TTC9: variants seen among roughly 807,000 people sequenced by gnomAD.
TTC9 encodes the protein tetratricopeptide repeat protein 9A.
Under a neutral mutation model 22.9 loss-of-function variants are expected in TTC9, and 13 were observed. That is an observed-to-expected ratio of 0.57 (90% CI 0.37 to 0.90). The LOEUF is 0.90. Ranked by LOEUF, TTC9 falls within the 40% of genes least tolerant of loss-of-function variation. The probability of loss-of-function intolerance (pLI) is 0.01; values close to 1 mark genes in which losing one functional copy is unlikely to be tolerated. For missense variants in TTC9, 280 were observed against 291.8 expected (o/e 0.96, Z 0.29); for synonymous variants, 148 against 133.2 (o/e 1.11, Z -0.77).
chr14:70,659,132 G>GCACACACACACACACACA (rs71105721), intron 1 of TTC9, among the ~76,000 whole-genome samples: 1 of 144,224 alleles, frequency 6.9e-6, no homozygotes, highest in African/African-American at 2.6e-5. Flanking sequence ...ACACACACAC[G>GCACACACACACACACACA]CACACACACA....
At position 70,671,773 on chromosome 14, in the gene TTC9, ACT is replaced by A. The variant is rs962353008; in HGVS notation, c.*621_*622del. 1 of 145,438 alleles carries A rather than the reference ACT, an allele frequency of 6.9e-6. No individual in the cohort carries two copies. Among genetic ancestry groups the A allele is most frequent in the African/African-American group, 2.6e-5 (1 of 38,784 alleles). The allele number at this position is 145,438 out of a possible 1,614,324, so 9.0% of individuals were successfully genotyped here. On this transcript the variant is annotated 3_prime_UTR_variant, in exon 3 of 3. Coordinates refer to ENST00000256367, the MANE Select transcript of TTC9 (RefSeq NM_015351.2). ...CTCCTCTCCCCATCGGGGATCCGAGACTCTGCCAGGATTCACATGCCACTGAA... is the reference window on the plus strand; with the variant it reads ...CTCCTCTCCCCATCGGGGATCCGAGACTGCCAGGATTCACATGCCACTGAA...
chr14:70,655,420 CAAA>C (rs1047565013), intron 1 of TTC9, among the ~76,000 whole-genome samples: 8 of 146,142 alleles, frequency 5.5e-5, no homozygotes, highest in African/African-American at 2.0e-4. Flanking sequence ...AAAAAAAAAA[CAAA>C]GAAGAAGGTA....
chr14:70,642,096 C>G lies in TTC9; in HGVS notation c.-34C>G. ...GCGGCGGCGGCGGCGGCGGGCAGAT[C>G]GCGGCGCGCACCAGGCGCCGGGGCG... On this transcript the variant is annotated 5_prime_UTR_variant, in exon 1 of 3. It adds an upstream start codon to the 5' untranslated region. Transcript: ENST00000256367. 1 of 1,065,648 alleles carries G rather than the reference C, an allele frequency of 9.4e-7. No homozygotes were observed. Among genetic ancestry groups the G allele is most frequent in the Non-Finnish European group, 1.1e-6 (1 of 883,934 alleles). 66.0% of individuals were successfully genotyped at this position (1,065,648 alleles called of 1,614,324 possible).
At chr14:70,663,589 G>A (rs12589380) in intron 1 of TTC9, among the ~76,000 whole-genome samples, 36,430 of 152,044 alleles carry the variant, frequency 0.24, 5,030 homozygotes, top group Admixed American at 0.32. Context: ...TCAAGGTAAG[G>A]CCCCTCCTGC....
At chr14:70,660,755 T>G (rs1037510960) in intron 1 of TTC9, among the ~76,000 whole-genome samples, 1 of 152,276 alleles carries the variant, frequency 6.6e-6, no homozygotes, top group Non-Finnish European at 1.5e-5. Flanking sequence ...GGTTTGGTTA[T>G]GATCTATACC....
rs927674842 is a variant in TTC9 at position 70,674,401 on chromosome 14, T to C, written c.*3246T>C. ...TTTGAATATACCTTTTAGTTCTTTT[T>C]GGTGTAAATGTACACACGCACACAC... is the stretch of plus-strand genomic sequence containing the variant. On this transcript the variant is annotated 3_prime_UTR_variant, in exon 3 of 3. Coordinates refer to ENST00000256367, the MANE Select transcript of TTC9 (RefSeq NM_015351.2). The C allele has an allele frequency of 6.6e-6, 1 of 152,286 alleles. No homozygotes were observed. Among genetic ancestry groups the C allele is most frequent in the African/African-American group, 2.4e-5 (1 of 41,488 alleles). The allele number at this position is 152,286 out of a possible 1,614,324, so 9.4% of individuals were successfully genotyped here.
chr14:70,658,640 G>T (rs923852561), intron 1 of TTC9, among the ~76,000 whole-genome samples: 1 of 150,836 alleles, frequency 6.6e-6, no homozygotes, highest in Non-Finnish European at 1.5e-5. Context: ...AAAAGCATCT[G>T]CAAAAAAAAA....
chr14:70,660,201 CAA>C (rs1231965598), intron 1 of TTC9, among the ~76,000 whole-genome samples: 2 of 152,178 alleles, frequency 1.3e-5, no homozygotes, highest in Non-Finnish European at 2.9e-5. Flanking sequence ...AAATCACTAA[CAA>C]GAGAAGTATC....
chr14:70,659,637 A>G (rs111488100), intron 1 of TTC9, among the ~76,000 whole-genome samples: 3 of 152,212 alleles, frequency 2.0e-5, no homozygotes, highest in Non-Finnish European at 2.9e-5. Context: ...GGAGGGTTAC[A>G]TAGGAAGTTT....
intron 1 of TTC9, among the ~76,000 whole-genome samples, chr14:70,657,457 CAAA>C (rs1886083831): frequency 1.3e-5 from 2 of 152,150 alleles, no homozygotes; most frequent in African/African-American, 2.4e-5. Context: ...ACAAAGAAAA[CAAA>C]AGACACACTT....
chr14:70,647,730 T>C (rs184297243), intron 1 of TTC9, among the ~76,000 whole-genome samples: 32 of 152,346 alleles, frequency 2.1e-4, no homozygotes, highest in African/African-American at 7.7e-4. Context: ...TCATGCTGTG[T>C]TGTCCCATCA....
chr14:70,659,120 ACACACACACACG>A (rs1389281772), intron 1 of TTC9, among the ~76,000 whole-genome samples: 3 of 109,948 alleles, frequency 2.7e-5, no homozygotes, highest in African/African-American at 1.1e-4. Flanking sequence ...ATATAACTAA[ACACACACACACG>A]CACACACACA....
At chr14:70,665,799 T>A (rs1421507016) in intron 1 of TTC9, among the ~76,000 whole-genome samples, 4 of 152,058 alleles carry the variant, frequency 2.6e-5, no homozygotes, top group African/African-American at 9.7e-5. Context: ...ATTTAAGGGG[T>A]CAGAATGACT....
At chr14:70,668,580 G>A (rs1886248059) in intron 2 of TTC9, among the ~76,000 whole-genome samples, 2 of 152,226 alleles carry the variant, frequency 1.3e-5, no homozygotes, top group African/African-American at 4.8e-5. Flanking sequence ...GCTGGGCGTG[G>A]TGGCTCATGC....
chr14:70,675,111 A>G lies in TTC9; in HGVS notation c.*3956A>G, dbSNP rs1481945864. 2 of 152,230 alleles carry G rather than the reference A, an allele frequency of 1.3e-5. No homozygotes were observed. Among genetic ancestry groups the G allele is most frequent in the Non-Finnish European group, 2.9e-5 (2 of 68,044 alleles). 9.4% of individuals were successfully genotyped at this position (152,230 alleles called of 1,614,324 possible). The stretch of plus-strand genomic sequence containing the variant: ...TCTTTCCCAATTTGGTAGCTGGGAT[A>G]ATAGTATGTCAATGTTATTTTAACT... On this transcript the variant is annotated 3_prime_UTR_variant, in exon 3 of 3. Coordinates refer to ENST00000256367, the MANE Select transcript of TTC9 (RefSeq NM_015351.2).
In TTC9 at chr14:70,641,940, T is replaced by A; in HGVS notation, c.-190T>A. The A allele has an allele frequency of 4.8e-6, 1 of 208,536 alleles. No homozygotes were observed. Among genetic ancestry groups the A allele is most frequent in the Non-Finnish European group, 8.1e-6 (1 of 123,998 alleles). 12.9% of individuals were successfully genotyped at this position (208,536 alleles called of 1,614,324 possible). A position where few individuals can be genotyped will look rare whatever the true frequency, so the allele number is the denominator to read the frequency against. On this transcript the variant is annotated 5_prime_UTR_variant, in exon 1 of 3. Transcript: ENST00000256367. ...CGTCCGAGGCGGCGGCGGCGGCGGC[T>A]GGAGCAGCCTCTGGCAGCAGCGGGG...
chr14:70,644,329 C>A (rs1435755226), intron 1 of TTC9, among the ~76,000 whole-genome samples: 1 of 152,218 alleles, frequency 6.6e-6, no homozygotes, highest in Admixed American at 6.5e-5. Flanking sequence ...AAAACTTCAA[C>A]GGTGAGAGAA....
intron 1 of TTC9, among the ~76,000 whole-genome samples, chr14:70,663,606 A>G (rs1329422011): frequency 6.6e-6 from 1 of 151,174 alleles, no homozygotes; most frequent in Non-Finnish European, 1.5e-5. Context: ...CTGCCTGGGT[A>G]TGCTCCTTCT....
chr14:70,654,566 G>A (rs2139643705), intron 1 of TTC9, among the ~76,000 whole-genome samples: 1 of 113,246 alleles, frequency 8.8e-6, no homozygotes, highest in East Asian at 2.4e-4. Flanking sequence ...CTCCAGCCTG[G>A]GCAACAGTAA....
Sources: gnomAD v4.1 joint callset for allele counts (sites outside exome capture counted in the v4.1 genomes callset) on GRCh38, gnomAD v4.1.1 for gene constraint, MANE v1.5 for transcripts, NCBI Gene and HGNC (gene_info 2026-07-23, HGNC 2026-07-21) for gene names.